The following TFB1M variants were observed in gnomAD, a reference collection of about 807,000 sequenced individuals.
TFB1M encodes transcription factor B1, mitochondrial.
In TFB1M, 27 loss-of-function variants were observed where a neutral mutation model predicts 31.1. That is an observed-to-expected ratio of 0.87 (90% CI 0.64 to 1.20). The LOEUF (loss-of-function observed/expected upper bound fraction) is 1.20. TFB1M is among the 50% of genes most tolerant of loss of function. The pLI is 0.00. For missense variants in TFB1M, 394 were observed against 418.7 expected (o/e 0.94, Z 0.51); for synonymous variants, 166 against 151.8 (o/e 1.09, Z -0.69).
At chr6:155,243,609 G>A in the TFB1M span, among the ~76,000 whole-genome samples, 1 of 152,112 alleles carries the variant, frequency 6.6e-6, no homozygotes, top group Non-Finnish European at 1.5e-5. Flanking sequence ...CACTTTGGGA[G>A]GCCAAGGCAG....
the TFB1M span, chr6:155,248,187 G>A: frequency 4.2e-5 from 67 of 1,611,552 alleles, no homozygotes; most frequent in African/African-American, 1.2e-4. Context: ...CGGGTGAGGC[G>A]GCGGCGGCAC....
intron 2 of TFB1M, among the ~76,000 whole-genome samples, chr6:155,302,964 C>G (rs1777501049): frequency 1.3e-5 from 2 of 152,090 alleles, no homozygotes; most frequent in African/African-American, 4.8e-5. Flanking sequence ...GGAGAAATGC[C>G]CCTTATAAAA....
chr6:155,271,966 G>C (rs974887600), intron 5 of TFB1M, among the ~76,000 whole-genome samples: 2 of 152,156 alleles, frequency 1.3e-5, no homozygotes, highest in African/African-American at 2.4e-5. Flanking sequence ...CAAAAAATGA[G>C]ATGGAGAACC....
the TFB1M span, chr6:155,247,910 A>G: frequency 1.4e-6 from 2 of 1,453,698 alleles, no homozygotes; most frequent in East Asian, 2.3e-5. Flanking sequence ...GGACTATAGA[A>G]ATAGATGATC....
At position 155,258,791 on chromosome 6, in the gene TFB1M, T is replaced by G. The variant is rs529450953; in HGVS notation, c.795-709A>C. Among the ~76,000 whole-genome samples the G allele has an allele frequency of 6.8e-4, 103 of 152,330 alleles. 1 individual carries two copies. The highest frequency in any genetic ancestry group is 2.5e-3 in the African/African-American group (102 of 41,566). ...AGGTGTCATGGCCAGGGGAGATAGA[T>G]AGCATGTTGCTTATAGGCTGATGGT... is the stretch of plus-strand genomic sequence containing the variant. On this transcript the variant is annotated intron_variant, in intron 6 of 6. Transcript: ENST00000367166.
chr6:155,278,919 C>T (rs1562401022), intron 5 of TFB1M, among the ~76,000 whole-genome samples: 1 of 152,152 alleles, frequency 6.6e-6, no homozygotes, highest in Non-Finnish European at 1.5e-5. Flanking sequence ...TAGTCTAATC[C>T]AGTGGCTCTC....
At chr6:155,298,635 A>C (rs1176120837) in intron 2 of TFB1M, 50 bp from the exon 3 acceptor site, 6 of 1,249,664 alleles carry the variant, frequency 4.8e-6, no homozygotes, top group Non-Finnish European at 7.1e-6. Context: ...TATGCGAGTA[A>C]CAAAACTAAA....
chr6:155,306,388 G>T (rs1777766580), intron 2 of TFB1M, among the ~76,000 whole-genome samples: 1 of 152,170 alleles, frequency 6.6e-6, no homozygotes. Context: ...CAAGAGAAAT[G>T]GAAGTGTGTA....
intron 5 of TFB1M, chr6:155,275,770 G>A (rs918692213): frequency 6.2e-7 from 1 of 1,614,016 alleles, no homozygotes; most frequent in Non-Finnish European, 8.5e-7. Flanking sequence ...CCTTATCTGG[G>A]GTCTCTGGAG....
chr6:155,314,221 G>A, intron 1 of TFB1M, 75 bp downstream of exon 1: 2 of 1,587,678 alleles, frequency 1.3e-6, no homozygotes, highest in Non-Finnish European at 1.7e-6. Flanking sequence ...CGCCCGCGGG[G>A]ACGTGCAAGA....
the TFB1M span, among the ~76,000 whole-genome samples, chr6:155,238,433 T>A: frequency 6.6e-6 from 1 of 152,188 alleles, no homozygotes; most frequent in Non-Finnish European, 1.5e-5. Flanking sequence ...TGCCTCCACG[T>A]TTTCAGTTAT....
chr6:155,304,087 C>A (rs1777556386), intron 2 of TFB1M, among the ~76,000 whole-genome samples: 1 of 152,046 alleles, frequency 6.6e-6, no homozygotes, highest in African/African-American at 2.4e-5. Flanking sequence ...TCGAGACCAG[C>A]CTGGACAACA....
chr6:155,300,482 A>T (rs907768106), intron 2 of TFB1M, among the ~76,000 whole-genome samples: 1 of 152,226 alleles, frequency 6.6e-6, no homozygotes, highest in African/African-American at 2.4e-5. Context: ...ATAAAACCAC[A>T]TATTTAATCA....
At position 155,293,249 on chromosome 6, in the gene TFB1M, G is replaced by A. The variant is rs115631934; in HGVS notation, c.546+3704C>T. Among the ~76,000 whole-genome samples the A allele has an allele frequency of 8.4e-3, 1,277 of 152,284 alleles. 23 individuals are homozygous for A. Among genetic ancestry groups the A allele is most frequent in the African/African-American group, 0.029 (1,224 of 41,558 alleles). On this transcript the variant is annotated intron_variant, in intron 4 of 6. Transcript: ENST00000367166. ...GATCCAAAGACCCAAATGGAATTTAGAGATAATTTTTTTTCATAATAGTTA... is the reference window on the plus strand; with the variant it reads ...GATCCAAAGACCCAAATGGAATTTAAAGATAATTTTTTTTCATAATAGTTA...
At chr6:155,311,952 T>G (rs1778033164) in intron 1 of TFB1M, among the ~76,000 whole-genome samples, 1 of 152,194 alleles carries the variant, frequency 6.6e-6, no homozygotes, top group Non-Finnish European at 1.5e-5. Flanking sequence ...TTTGCACACA[T>G]GCATGTTAAT....
At chr6:155,272,228 G>C (rs1186909776) in intron 5 of TFB1M, among the ~76,000 whole-genome samples, 2 of 152,212 alleles carry the variant, frequency 1.3e-5, no homozygotes, top group East Asian at 1.9e-4. Context: ...TTAATGCTTA[G>C]AGATCTAAGA....
At chr6:155,300,443 C>T (rs1182002021) in intron 2 of TFB1M, among the ~76,000 whole-genome samples, 1 of 152,130 alleles carries the variant, frequency 6.6e-6, no homozygotes, top group Non-Finnish European at 1.5e-5. Context: ...TAAAAAGAGA[C>T]AGCTCTCTAT....
At chr6:155,295,890 T>A (rs1166399336) in intron 4 of TFB1M, among the ~76,000 whole-genome samples, 1 of 152,218 alleles carries the variant, frequency 6.6e-6, no homozygotes, top group Admixed American at 6.5e-5. Context: ...ACAGGTTATA[T>A]GCAAATACTA....
chr6:155,280,963 T>C (rs945409107), intron 5 of TFB1M, among the ~76,000 whole-genome samples: 2 of 152,244 alleles, frequency 1.3e-5, no homozygotes, highest in African/African-American at 4.8e-5. Flanking sequence ...TAATGGACAC[T>C]ATTTATGCTT....
Sources: gnomAD v4.1 joint callset for allele counts (sites outside exome capture counted in the v4.1 genomes callset) on GRCh38, gnomAD v4.1.1 for gene constraint, MANE v1.5 for transcripts, NCBI Gene and HGNC (gene_info 2026-07-23, HGNC 2026-07-21) for gene names.